The following GARNL3 variants were observed in gnomAD, a reference collection of about 807,000 sequenced individuals.
The protein encoded by GARNL3 is GTPase activating Rap/RanGAP domain like 3.
Under a neutral mutation model 125.0 loss-of-function variants are expected in GARNL3, and 63 were observed. The ratio of observed to expected loss-of-function variants is 0.50; its 90% CI spans 0.41 to 0.62. The LOEUF (loss-of-function observed/expected upper bound fraction) is 0.62, where lower values mean the gene tolerates loss of function less well. Ranked by LOEUF, GARNL3 falls within the 20% of genes least tolerant of loss-of-function variation. The probability of loss-of-function intolerance (pLI) is 0.00; values close to 1 mark genes in which losing one functional copy is unlikely to be tolerated. For synonymous variants in GARNL3, 439 were observed against 457.5 expected (o/e 0.96, Z 0.52); for missense variants, 994 against 1,244.0 (o/e 0.80, Z 3.02).
chr9:127,263,661 C>A, upstream of GARNL3: 1 of 1,063,934 alleles, frequency 9.4e-7, no homozygotes, highest in Non-Finnish European at 1.1e-6. Flanking sequence ...AAAATCATAT[C>A]ACTAGAAGCA....
rs2063228540 is a variant in GARNL3 at position 127,242,938 on chromosome 9, C to G, written c.-28-141C>G. On this transcript the variant is annotated intron_variant, in intron 1 of 10. Coordinates refer to the GARNL3 transcript ENST00000439286. This position sits in a 1 kb window ranked among gnomAD's most constrained non-coding sequence, Gnocchi z 4.6. ...GTCATATGCGGTCTTGGTGGGGCCC[C>G]TGGGTCTTGAGGGTGCTTCAGTGTC... 1.7e-6 allele frequency: 1 copy of G among 599,986 alleles called. No homozygotes were observed. Among genetic ancestry groups the G allele is most frequent in the South Asian group, 1.9e-5 (1 of 52,374 alleles). 37.2% of individuals were successfully genotyped at this position (599,986 alleles called of 1,614,324 possible).
upstream of GARNL3, among the ~76,000 whole-genome samples, chr9:127,262,991 G>T (rs1219811119): frequency 1.3e-5 from 2 of 152,204 alleles, no homozygotes; most frequent in Non-Finnish European, 2.9e-5. Context: ...CCCAAGAAAT[G>T]CAGCCCATAT....
intron 21 of GARNL3, among the ~76,000 whole-genome samples, chr9:127,359,633 T>C (rs2131693543): frequency 6.6e-6 from 1 of 152,354 alleles, no homozygotes; most frequent in South Asian, 2.1e-4. Flanking sequence ...AGCCAGCTTT[T>C]GCTAGTGGAA....
intron 2 of GARNL3, among the ~76,000 whole-genome samples, chr9:127,299,326 A>G (rs1008634169): frequency 6.4e-4 from 5 of 7,844 alleles, no homozygotes; most frequent in Non-Finnish European, 9.6e-4. Context: ...AAAAAAAAAA[A>G]AAAGAAAGAG....
At chr9:127,269,136 T>G (rs202195683) in intron 1 of GARNL3, among the ~76,000 whole-genome samples, 2 of 152,252 alleles carry the variant, frequency 1.3e-5, no homozygotes, top group East Asian at 3.9e-4. Context: ...GTAGCTGGTA[T>G]TACAGATGCA....
At chr9:127,342,413 C>A in intron 14 of GARNL3, 79 bp downstream of exon 14, 2 of 949,362 alleles carry the variant, frequency 2.1e-6, no homozygotes, top group South Asian at 1.3e-5. Context: ...AGCGATGAGG[C>A]CCTGGTGAGA....
At chr9:127,355,894 AGGTT>A (rs1183117794) in intron 20 of GARNL3, among the ~76,000 whole-genome samples, 2 of 152,214 alleles carry the variant, frequency 1.3e-5, no homozygotes, top group African/African-American at 2.4e-5. Context: ...CTCTCTGAAT[AGGTT>A]ACCTGTGAGC....
At chr9:127,243,220 A>T (rs2063234285) in exon 2 of GARNL3, 1 of 1,366,508 alleles carries the variant, frequency 7.3e-7, no homozygotes, top group South Asian at 1.1e-5. Context: ...GGCCAACGAA[A>T]GACCCTGAAC....
At chr9:127,286,488 C>T (rs2064251547) in intron 1 of GARNL3, among the ~76,000 whole-genome samples, 1 of 152,190 alleles carries the variant, frequency 6.6e-6, no homozygotes, top group Non-Finnish European at 1.5e-5. Flanking sequence ...TACAGTTTTT[C>T]CCAGATATGT....
Position 127,355,436 on chromosome 9 carries a change from G to A in GARNL3, c.1899G>A (p.Leu633=), listed in dbSNP as rs768577406. 2 of 1,614,222 alleles carry A rather than the reference G, an allele frequency of 1.2e-6. No individual in the cohort carries two copies. Among genetic ancestry groups the A allele is most frequent in the East Asian group, 2.2e-5 (1 of 44,888 alleles). The change falls in exon 20 of 28, where the codon CTG becomes CTA. Residue 633 remains leucine, a synonymous_variant. Coordinates refer to ENST00000373387, the MANE Select transcript of GARNL3 (RefSeq NM_032293.5). ...CCAGCACCTCATTGTTATCTCCCCT[G>A]TCTGAGTCACCTGTTGAAGAATTCC... The part of the protein sequence containing the change: ...GVTSTSLLSP[L]SESPVEEFQY...
chr9:127,284,084 G>C (rs1390816285), intron 1 of GARNL3, among the ~76,000 whole-genome samples: 3 of 152,120 alleles, frequency 2.0e-5, no homozygotes, highest in Non-Finnish European at 4.4e-5. Context: ...GCTCTCATGT[G>C]GCTCTCGTGT....
intron 2 of GARNL3, among the ~76,000 whole-genome samples, chr9:127,298,726 T>G (rs1455795679): frequency 6.6e-6 from 1 of 152,210 alleles, no homozygotes; most frequent in Admixed American, 6.5e-5. Flanking sequence ...GTTTTAAGGC[T>G]TTTAATATAA....
chr9:127,224,621 G>A (rs2062863843), intron 1 of GARNL3: 1 of 153,250 alleles, frequency 6.5e-6, no homozygotes, highest in South Asian at 2.0e-4. Flanking sequence ...ACAATAGAAA[G>A]GGCCAGGAGG....
intron 21 of GARNL3, among the ~76,000 whole-genome samples, chr9:127,359,985 A>G (rs1172622034): frequency 6.6e-6 from 1 of 150,822 alleles, no homozygotes; most frequent in Admixed American, 6.6e-5. Context: ...TAAAAGACAA[A>G]TATACAAAGT....
intron 12 of GARNL3, among the ~76,000 whole-genome samples, chr9:127,338,504 G>T (rs1231885869): frequency 1.3e-5 from 2 of 152,176 alleles, no homozygotes; most frequent in African/African-American, 4.8e-5. Flanking sequence ...GTATTATGTT[G>T]TAAAAAGAAC....
chr9:127,310,563 C>A (rs910149794), intron 2 of GARNL3, among the ~76,000 whole-genome samples: 3 of 151,984 alleles, frequency 2.0e-5, no homozygotes, highest in African/African-American at 7.2e-5. Context: ...TCACTTGAGG[C>A]CAGGAGTTCG....
chr9:127,340,731 A>G (rs2131604647), intron 13 of GARNL3, among the ~76,000 whole-genome samples: 1 of 151,642 alleles, frequency 6.6e-6, no homozygotes, highest in South Asian at 2.1e-4. Context: ...CTACGTGGAC[A>G]AGTGTTACCC....
chr9:127,278,967 G>A (rs1408602244), intron 1 of GARNL3, among the ~76,000 whole-genome samples: 1 of 152,090 alleles, frequency 6.6e-6, no homozygotes, highest in Non-Finnish European at 1.5e-5. Context: ...TGGGATTTAA[G>A]TCCTACCTGA....
At position 127,387,295 on chromosome 9, in the gene GARNL3, C is replaced by G; in HGVS notation, c.2491C>G (p.Arg831Gly). 1 of 1,614,096 alleles carries G rather than the reference C, an allele frequency of 6.2e-7. No individual in the cohort carries two copies. Among genetic ancestry groups the G allele is most frequent in the Non-Finnish European group, 8.5e-7 (1 of 1,179,968 alleles). Residue 831 changes from arginine to glycine, a missense_variant, in exon 25 of 28, where the codon CGA becomes GGA. Arg to Gly is a moderately radical substitution (Grantham distance 125). Coordinates refer to ENST00000373387, the MANE Select transcript of GARNL3 (RefSeq NM_032293.5). ...ARNSPQTPPG[R>G]DTPVFPSSLG... Reference sequence around the variant, plus strand: ...AAATTCTCCTCAGACACCCCCGGGCCGAGATACTCCAGTATTTCCTTCTTC... The same window carrying G: ...AAATTCTCCTCAGACACCCCCGGGCGGAGATACTCCAGTATTTCCTTCTTC...
Sources: allele counts gnomAD v4.1 joint callset (sites outside exome capture counted in the v4.1 genomes callset), GRCh38; gene constraint gnomAD v4.1.1; non-coding constraint Gnocchi (gnomAD v3.1); transcripts MANE v1.5; gene names NCBI Gene and HGNC (gene_info 2026-07-23, HGNC 2026-07-21).